Variants in TNKS observed in about 807,000 individuals in gnomAD.
The protein encoded by TNKS is poly [ADP-ribose] polymerase tankyrase-1.
In TNKS, 72 loss-of-function variants were observed where a neutral mutation model predicts 135.8. That is an observed-to-expected ratio of 0.53 (90% CI 0.44 to 0.64). The LOEUF (loss-of-function observed/expected upper bound fraction) is 0.64, where lower values mean the gene tolerates loss of function less well. Ranked by LOEUF, TNKS falls within the 30% of genes least tolerant of loss-of-function variation. TNKS has a pLI of 0.00. For missense variants in TNKS, 1,769 were observed against 1,674.0 expected, an observed-to-expected ratio of 1.06 and a Z score of -0.99; for synonymous variants, 849 against 649.3, an observed-to-expected ratio of 1.31 and a Z score of -4.68.
chr8:9,677,469 G>C (rs2128795873), intron 3 of TNKS, among the ~76,000 whole-genome samples: 1 of 152,202 alleles, frequency 6.6e-6, no homozygotes, highest in South Asian at 2.1e-4. Context: ...ACTCTTATTG[G>C]AGTCATGTTT....
At chr8:9,756,399 T>A (rs1806835307) in intron 20 of TNKS, among the ~76,000 whole-genome samples, 1 of 152,078 alleles carries the variant, frequency 6.6e-6, no homozygotes, top group South Asian at 2.1e-4. Context: ...TTGCTTTATG[T>A]GCAAGATGAC....
chr8:9,602,201 C>T (rs1262128425), intron 2 of TNKS, among the ~76,000 whole-genome samples: 1 of 152,144 alleles, frequency 6.6e-6, no homozygotes, highest in Non-Finnish European at 1.5e-5. Context: ...AGCCTGACTA[C>T]TTAGGCTGTT....
chr8:9,715,616 C>G (rs1804568602), intron 11 of TNKS, among the ~76,000 whole-genome samples: 1 of 152,100 alleles, frequency 6.6e-6, no homozygotes, highest in Non-Finnish European at 1.5e-5. Flanking sequence ...GTGGTTCATA[C>G]AAGTGATTTT....
At chr8:9,685,916 T>A (rs530901911) in intron 5 of TNKS, among the ~76,000 whole-genome samples, 1 of 152,332 alleles carries the variant, frequency 6.6e-6, no homozygotes, top group East Asian at 1.9e-4. Context: ...GTAGAGTTTC[T>A]CATTATTCTT....
chr8:9,764,904 C>A, intron 23 of TNKS, 114 bp downstream of exon 23: 1 of 729,798 alleles, frequency 1.4e-6, no homozygotes, highest in Non-Finnish European at 2.1e-6. Context: ...AAAGATAATT[C>A]GTCACCTGTC....
At chr8:9,766,658 G>T (rs1054093585) in intron 25 of TNKS, among the ~76,000 whole-genome samples, 3 of 151,916 alleles carry the variant, frequency 2.0e-5, no homozygotes, top group African/African-American at 7.3e-5. Flanking sequence ...GCAAATTTTT[G>T]TATTTTTAGT....
intron 11 of TNKS, among the ~76,000 whole-genome samples, chr8:9,719,324 C>G (rs757477705): frequency 6.6e-6 from 1 of 151,958 alleles, no homozygotes; most frequent in Non-Finnish European, 1.5e-5. Flanking sequence ...TGGGTGTACA[C>G]AAATATTTTC....
intron 1 of TNKS, chr8:9,557,797 G>T (rs1012375392): frequency 6.6e-6 from 1 of 152,142 alleles, no homozygotes; most frequent in Non-Finnish European, 1.5e-5. Context: ...ACACTTGGGA[G>T]ATATGATTAA....
At chr8:9,715,516 G>A (rs1804561433) in intron 11 of TNKS, among the ~76,000 whole-genome samples, 1 of 151,980 alleles carries the variant, frequency 6.6e-6, no homozygotes, top group Non-Finnish European at 1.5e-5. Flanking sequence ...TTGTCCTGCT[G>A]TCCTCTATCT....
chr8:9,597,321 A>G (rs543800630), intron 2 of TNKS, among the ~76,000 whole-genome samples: 108 of 152,366 alleles, frequency 7.1e-4, no homozygotes, highest in African/African-American at 2.6e-3. Flanking sequence ...CTTGTATGCA[A>G]CAGTAAGGTT....
At chr8:9,762,140 C>G (rs1292173392) in intron 21 of TNKS, among the ~76,000 whole-genome samples, 1 of 152,172 alleles carries the variant, frequency 6.6e-6, no homozygotes, top group Non-Finnish European at 1.5e-5. Context: ...TTAACTTGAA[C>G]TTTCCTCCCT....
At chr8:9,653,516 A>C (rs1223112884) in intron 3 of TNKS, among the ~76,000 whole-genome samples, 1 of 151,722 alleles carries the variant, frequency 6.6e-6, no homozygotes, top group Non-Finnish European at 1.5e-5. Flanking sequence ...CCCAGCAGAG[A>C]AGAAGAAGGG....
chr8:9,592,805 C>A (rs1798636546), intron 2 of TNKS, among the ~76,000 whole-genome samples: 1 of 152,042 alleles, frequency 6.6e-6, no homozygotes, highest in Non-Finnish European at 1.5e-5. Context: ...TTTTCTACTT[C>A]TTGATTAGGT....
chr8:9,721,739 C>G (rs13268319), intron 12 of TNKS, among the ~76,000 whole-genome samples: 1 of 151,722 alleles, frequency 6.6e-6, no homozygotes, highest in East Asian at 1.9e-4. Context: ...GTATAGGTAC[C>G]TTTCCAAAAA....
intron 3 of TNKS, among the ~76,000 whole-genome samples, chr8:9,634,932 C>G (rs141191383): frequency 0.01 from 1,569 of 151,644 alleles, 20 homozygotes; most frequent in African/African-American, 0.034. Context: ...AATCCCGGCA[C>G]TTTGGGAGGC....
intron 26 of TNKS, chr8:9,772,416 T>A: frequency 4.4e-6 from 2 of 455,586 alleles, no homozygotes; most frequent in Middle Eastern, 3.3e-4. Context: ...CAGCCAAAAA[T>A]ACATGATGTA....
chr8:9,745,426 G>A (rs940615090), intron 17 of TNKS, among the ~76,000 whole-genome samples: 1 of 151,882 alleles, frequency 6.6e-6, no homozygotes, highest in Non-Finnish European at 1.5e-5. Context: ...TTTGTTTTGA[G>A]ATGGAATCTC....
At chr8:9,676,686 C>CTCTGTGTGTGTGTGTGTGTG (rs1554467464) in intron 3 of TNKS, among the ~76,000 whole-genome samples, 225 of 147,880 alleles carry the variant, frequency 1.5e-3, no homozygotes, top group Middle Eastern at 0.01. Flanking sequence ...CTCTCTCTCT[C>CTCTGTGTGTGTGTGTGTGTG]TGTGTGTGTG....
chr8:9,643,204 A>G (rs1800785606), intron 3 of TNKS, among the ~76,000 whole-genome samples: 1 of 146,314 alleles, frequency 6.8e-6, no homozygotes, highest in African/African-American at 2.5e-5. Context: ...CTATTGCCTT[A>G]GTCCATTTTG....
Sources: allele counts gnomAD v4.1 joint callset (sites outside exome capture counted in the v4.1 genomes callset), GRCh38; gene constraint gnomAD v4.1.1; transcripts MANE v1.5; gene names NCBI Gene and HGNC (gene_info 2026-07-23, HGNC 2026-07-21).